The following FAM135B variants were observed in gnomAD, a reference collection of about 807,000 sequenced individuals.
The protein encoded by FAM135B is protein FAM135B.
A neutral mutation model predicts 127.7 loss-of-function variants in FAM135B; 43 were observed. That is an observed-to-expected ratio of 0.34 (90% confidence interval 0.26 to 0.43). The LOEUF is 0.43. Ranked by LOEUF, FAM135B falls within the 20% of genes least tolerant of loss-of-function variation. The probability of loss-of-function intolerance (pLI) is 1.00; values close to 1 mark genes in which losing one functional copy is unlikely to be tolerated. For missense variants in FAM135B, 1,558 were observed against 1,725.6 expected (o/e 0.90, Z 1.72); for synonymous variants, 670 against 665.1 (o/e 1.01, Z -0.11).
intron 14 of FAM135B, among the ~76,000 whole-genome samples, chr8:138,147,320 G>A (rs1286728374): frequency 1.3e-5 from 2 of 151,306 alleles, no homozygotes; most frequent in African/African-American, 4.9e-5. Context: ...TCAGCATTAA[G>A]TGTTAAGTAA....
At chr8:138,431,195 C>A (rs745606862) in intron 1 of FAM135B, among the ~76,000 whole-genome samples, 2 of 152,160 alleles carry the variant, frequency 1.3e-5, no homozygotes, top group Non-Finnish European at 2.9e-5. Flanking sequence ...TACACACATT[C>A]ACTAACTCAC....
chr8:138,157,452 T>C (rs552118259), intron 12 of FAM135B, among the ~76,000 whole-genome samples: 1 of 152,298 alleles, frequency 6.6e-6, no homozygotes, highest in Admixed American at 6.5e-5. Flanking sequence ...GCCAAGGCAA[T>C]CAGGCAGGAG....
At chr8:138,482,530 T>G (rs964073941) in intron 1 of FAM135B, among the ~76,000 whole-genome samples, 1 of 152,162 alleles carries the variant, frequency 6.6e-6, no homozygotes, top group Non-Finnish European at 1.5e-5. Context: ...CCTCTTCATT[T>G]TGCAGCTGGC....
At chr8:138,253,082 C>T (rs529076474) in intron 5 of FAM135B, among the ~76,000 whole-genome samples, 4 of 152,130 alleles carry the variant, frequency 2.6e-5, no homozygotes, top group South Asian at 2.1e-4. Flanking sequence ...ATTACAGGTG[C>T]GAGCCACCTT....
intron 7 of FAM135B, among the ~76,000 whole-genome samples, chr8:138,212,818 G>T (rs1029881137): frequency 2.0e-5 from 3 of 152,038 alleles, no homozygotes; most frequent in Non-Finnish European, 4.4e-5. Context: ...AATCTAATTG[G>T]GAACAACATT....
At chr8:138,154,932 G>A (rs1818573420) in intron 12 of FAM135B, among the ~76,000 whole-genome samples, 1 of 152,092 alleles carries the variant, frequency 6.6e-6, no homozygotes, top group African/African-American at 2.4e-5. Flanking sequence ...TCAAATTCAG[G>A]AAATACAGAG....
intron 5 of FAM135B, among the ~76,000 whole-genome samples, chr8:138,252,842 C>T (rs1821796190): frequency 6.6e-6 from 1 of 152,188 alleles, no homozygotes. Context: ...CCCAGGCTGC[C>T]AGGCTGGAGT....
chr8:138,266,152 C>T (rs908203539), intron 3 of FAM135B, among the ~76,000 whole-genome samples: 4 of 152,124 alleles, frequency 2.6e-5, no homozygotes, highest in South Asian at 2.1e-4. Flanking sequence ...TTCACCTGTC[C>T]CCTTCTCTGT....
chr8:138,229,046 T>C (rs1361593778), intron 7 of FAM135B, among the ~76,000 whole-genome samples: 2 of 151,392 alleles, frequency 1.3e-5, no homozygotes, highest in Admixed American at 6.6e-5. Flanking sequence ...CTCACACGTG[T>C]GTGTGTGTGT....
intron 1 of FAM135B, among the ~76,000 whole-genome samples, chr8:138,492,191 T>C (rs1427989651): frequency 6.6e-6 from 1 of 151,994 alleles, no homozygotes; most frequent in Non-Finnish European, 1.5e-5. Flanking sequence ...CCTTCTTCTC[T>C]CACGGTGGGA....
intron 7 of FAM135B, among the ~76,000 whole-genome samples, chr8:138,214,254 A>AGT (rs1404024634): frequency 1.3e-5 from 2 of 152,218 alleles, no homozygotes; most frequent in Admixed American, 6.5e-5. Context: ...CAAAGGTAAT[A>AGT]AACAGTTCTA....
At chr8:138,248,084 G>T (rs1380484260) in intron 6 of FAM135B, among the ~76,000 whole-genome samples, 1 of 152,122 alleles carries the variant, frequency 6.6e-6, no homozygotes, top group Non-Finnish European at 1.5e-5. Flanking sequence ...AATAAAAATC[G>T]ACTGAATGAA....
intron 1 of FAM135B, among the ~76,000 whole-genome samples, chr8:138,445,206 C>G (rs1372601274): frequency 6.6e-6 from 1 of 152,156 alleles, no homozygotes; most frequent in Admixed American, 6.6e-5. Flanking sequence ...GGATTCACAG[C>G]CAAATTCTAC....
intron 1 of FAM135B, among the ~76,000 whole-genome samples, chr8:138,418,416 A>AT (rs1354566625): frequency 6.6e-6 from 1 of 151,876 alleles, no homozygotes; most frequent in Non-Finnish European, 1.5e-5. Flanking sequence ...AGAAAGGTCA[A>AT]TATACAAATT....
At position 138,130,836 on chromosome 8, in the gene FAM135B, T is replaced by C. The variant is rs1215975414; in HGVS notation, c.*1757A>G. 1 of 152,038 alleles carries C rather than the reference T, an allele frequency of 6.6e-6. No individual in the cohort carries two copies. Among genetic ancestry groups the C allele is most frequent in the African/African-American group, 2.4e-5 (1 of 41,378 alleles). 9.4% of individuals were successfully genotyped at this position (152,038 alleles called of 1,614,324 possible). ...TCTGACTCGGGAGCTCAGATAAAAA[T>C]CCCCAGTGGAAAGTGACCAGAGGAC... On this transcript the variant is annotated 3_prime_UTR_variant, in exon 20 of 20. Coordinates refer to ENST00000395297, the MANE Select transcript of FAM135B (RefSeq NM_015912.4).
At chr8:138,383,395 T>G (rs183043509) in intron 1 of FAM135B, among the ~76,000 whole-genome samples, 1 of 152,330 alleles carries the variant, frequency 6.6e-6, no homozygotes, top group East Asian at 1.9e-4. Context: ...CGATTAAGGA[T>G]ACCTAAGTGC....
chr8:138,343,607 C>A lies in FAM135B; in HGVS notation c.77+24300G>T, dbSNP rs1339898956. Reference sequence around the variant, plus strand: ...CATACCCTGCTTTCACCGCCAGTGCCCAAGGGGAAGGCCCTGCCCTGGCCA... The same window carrying A: ...CATACCCTGCTTTCACCGCCAGTGCACAAGGGGAAGGCCCTGCCCTGGCCA... On this transcript the variant is annotated intron_variant, in intron 2 of 19. Coordinates refer to ENST00000395297, the MANE Select transcript of FAM135B (RefSeq NM_015912.4). Among the ~76,000 whole-genome samples the A allele has an allele frequency of 2.0e-5, 3 of 152,204 alleles. No individual in the cohort carries two copies. In the East Asian group the frequency reaches 5.8e-4, roughly 29 times the overall value.
intron 1 of FAM135B, among the ~76,000 whole-genome samples, chr8:138,371,059 ACTAATTTGAGAACCACTGGC>A (rs1396534163): frequency 6.6e-6 from 1 of 152,200 alleles, no homozygotes; most frequent in Admixed American, 6.5e-5. Context: ...AGGTGCAAAC[ACTAATTTGAGAACCACTGGC>A]CTAAAGACAA....
chr8:138,149,723 A>G (rs1249279831), intron 13 of FAM135B, among the ~76,000 whole-genome samples: 3 of 152,114 alleles, frequency 2.0e-5, no homozygotes, highest in Non-Finnish European at 4.4e-5. Flanking sequence ...TTCTCTAGGA[A>G]GCTTTGCCTG....
Sources: gnomAD v4.1 joint callset for allele counts (sites outside exome capture counted in the v4.1 genomes callset) on GRCh38, gnomAD v4.1.1 for gene constraint, MANE v1.5 for transcripts, NCBI Gene and HGNC (gene_info 2026-07-23, HGNC 2026-07-21) for gene names.